ASB18: variants seen among roughly 807,000 people sequenced by gnomAD.
ASB18 encodes the protein ankyrin repeat and SOCS box containing 18.
In ASB18, 33 loss-of-function variants were observed where a neutral mutation model predicts 33.4. That is an observed-to-expected ratio of 0.99 (90% CI 0.75 to 1.32). ASB18 has a LOEUF of 1.32. ASB18 is among the 40% of genes most tolerant of loss of function. The probability of loss-of-function intolerance (pLI) is 0.00; values close to 1 mark genes in which losing one functional copy is unlikely to be tolerated. For synonymous variants in ASB18, 295 were observed against 307.6 expected, an observed-to-expected ratio of 0.96 and a Z score of 0.43; for missense variants, 694 against 655.5, an observed-to-expected ratio of 1.06 and a Z score of -0.64.
intron 4 of ASB18, among the ~76,000 whole-genome samples, chr2:236,206,436 C>T (rs554614539): frequency 2.0e-5 from 3 of 152,182 alleles, no homozygotes; most frequent in African/African-American, 7.2e-5. Flanking sequence ...TGCTGGAAGC[C>T]ATCTTGTGAC....
At chr2:236,261,911 A>G (rs2060720437) in intron 1 of ASB18, among the ~76,000 whole-genome samples, 1 of 152,132 alleles carries the variant, frequency 6.6e-6, no homozygotes, top group Non-Finnish European at 1.5e-5. Flanking sequence ...CTTATTCACT[A>G]CCACAATAAT....
In ASB18 at chr2:236,211,243, C is replaced by T. The variant is rs1377448; in HGVS notation, c.1101+3119G>A. ...CAGAATCCAAACCTGCCAGAATCCA[C>T]AGCCTGCCCCCTATGCCTGCCCTCG... On this transcript the variant is annotated intron_variant, in intron 4 of 5. Coordinates refer to ENST00000409749, the MANE Select transcript of ASB18 (RefSeq NM_212556.4). The surrounding 1 kb of genome is among the most constrained non-coding windows in gnomAD (Gnocchi z 5.0). 0.17 allele frequency among the ~76,000 whole-genome samples: 26,230 copies of T among 152,204 alleles called. 2,278 individuals carry two copies. The highest frequency in any genetic ancestry group is 0.25 in the South Asian group (1,201 of 4,826).
At position 236,211,834 on chromosome 2, in the gene ASB18, G is replaced by A. The variant is rs2060460036; in HGVS notation, c.1101+2528C>T. The stretch of plus-strand genomic sequence containing the variant: ...TTGTGGGATTCTCAGCATGGTGAAT[G>A]CATCCTCATCCACCATCCTCTCCTG... On this transcript the variant is annotated intron_variant, in intron 4 of 5. Coordinates refer to ENST00000409749, the MANE Select transcript of ASB18 (RefSeq NM_212556.4). This position sits in a 1 kb window ranked among gnomAD's most constrained non-coding sequence, Gnocchi z 5.0. Among the ~76,000 whole-genome samples, 1 of 152,176 alleles carries A rather than the reference G, an allele frequency of 6.6e-6. No individual in the cohort carries two copies. Among genetic ancestry groups the A allele is most frequent in the Non-Finnish European group, 1.5e-5 (1 of 68,026 alleles).
chr2:236,198,790 AT>A (rs1421283300), intron 4 of ASB18, among the ~76,000 whole-genome samples: 2 of 152,156 alleles, frequency 1.3e-5, no homozygotes, highest in South Asian at 2.1e-4. Flanking sequence ...TTGTAAGTAC[AT>A]TTTATTTATT....
At chr2:236,210,158 T>G (rs1455469718) in intron 4 of ASB18, among the ~76,000 whole-genome samples, 1 of 152,196 alleles carries the variant, frequency 6.6e-6, no homozygotes, top group African/African-American at 2.4e-5. Context: ...GAAATACACA[T>G]GCTCCTGCTC....
rs947756862 is a variant in ASB18, at chr2:236,253,579, G to A, written c.205+10562C>T. 1.3e-5 allele frequency among the ~76,000 whole-genome samples: 2 copies of A among 151,370 alleles called. No homozygotes were observed. The highest frequency in any genetic ancestry group is 2.9e-5 in the Non-Finnish European group (2 of 67,906). On this transcript the variant is annotated intron_variant, in intron 1 of 5. Transcript: ENST00000409749. The surrounding 1 kb of genome is among the most constrained non-coding windows in gnomAD (Gnocchi z 5.4). Reference sequence around the variant, plus strand: ...TTATTATTATTGTGGTGGGAGATGGGGTCTCACTGTGTTGCCCAGGCTGGT... The same window carrying A: ...TTATTATTATTGTGGTGGGAGATGGAGTCTCACTGTGTTGCCCAGGCTGGT...
chr2:236,201,965 T>C (rs914452867), intron 4 of ASB18, among the ~76,000 whole-genome samples: 1 of 152,058 alleles, frequency 6.6e-6, no homozygotes, highest in East Asian at 1.9e-4. Flanking sequence ...TAATTTTTTT[T>C]TTGAGACAGA....
chr2:236,229,998 C>T lies in ASB18; in HGVS notation c.596+7691G>A, dbSNP rs1373018422. Among the ~76,000 whole-genome samples the T allele has an allele frequency of 2.6e-5, 4 of 151,984 alleles. No homozygotes were observed. Among genetic ancestry groups the T allele is most frequent in the African/African-American group, 4.8e-5 (2 of 41,370 alleles). Reference sequence around the variant, plus strand: ...ACTAGGAGTTTGAGACCACCCTGGGCAGCAAAACAAGACCTCAACTCTACA... The same window carrying T: ...ACTAGGAGTTTGAGACCACCCTGGGTAGCAAAACAAGACCTCAACTCTACA... On this transcript the variant is annotated intron_variant, in intron 3 of 5. Coordinates refer to ENST00000409749, the MANE Select transcript of ASB18 (RefSeq NM_212556.4). The surrounding 1 kb of genome is among the most constrained non-coding windows in gnomAD (Gnocchi z 5.2).
At chr2:236,198,192 T>A (rs988893986) in intron 4 of ASB18, among the ~76,000 whole-genome samples, 1 of 152,136 alleles carries the variant, frequency 6.6e-6, no homozygotes, top group African/African-American at 2.4e-5. Flanking sequence ...CTAAAAAAAA[T>A]TCATATTCCT....
At chr2:236,210,884 C>G (rs966440617) in intron 4 of ASB18, among the ~76,000 whole-genome samples, 5 of 152,176 alleles carry the variant, frequency 3.3e-5, no homozygotes, top group Non-Finnish European at 7.3e-5. Context: ...TGGAGCGGGG[C>G]TGGACTTACA....
At position 236,214,877 on chromosome 2, in the gene ASB18, C is replaced by T. The variant is rs115967613; in HGVS notation, c.597-11G>A. 2.5e-6 allele frequency: 3 copies of T among 1,209,876 alleles called. No homozygotes were observed. The highest frequency in any genetic ancestry group is 8.1e-5 in the South Asian group (2 of 24,736). The allele number at this position is 1,209,876 out of a possible 1,614,324, so 74.9% of individuals were successfully genotyped here. A position where few individuals can be genotyped will look rare whatever the true frequency, so the allele number is the denominator to read the frequency against. On this transcript the variant is annotated splice_polypyrimidine_tract_variant and intron_variant, in intron 3 of 5. Transcript: ENST00000409749. The surrounding 1 kb of genome is among the most constrained non-coding windows in gnomAD (Gnocchi z 6.5). Reference sequence around the variant, plus strand: ...AGCGCCTGCGCGCACCTGTGGGAAGCCAGGGCCTGTCACTCGGGCGCCACG... The same window carrying T: ...AGCGCCTGCGCGCACCTGTGGGAAGTCAGGGCCTGTCACTCGGGCGCCACG...
At position 236,228,460 on chromosome 2, in the gene ASB18, C is replaced by A. The variant is rs528717622; in HGVS notation, c.596+9229G>T. Among the ~76,000 whole-genome samples the A allele has an allele frequency of 2.7e-3, 405 of 152,224 alleles. No individual in the cohort carries two copies. Among genetic ancestry groups the A allele is most frequent in the Non-Finnish European group, 5.0e-3 (342 of 67,994 alleles). Reference sequence around the variant, plus strand: ...CACACAGAAAGAACTTTGCAGAGGGCCCCCTTGATTATTCAGCTCAATACC... The same window carrying A: ...CACACAGAAAGAACTTTGCAGAGGGACCCCTTGATTATTCAGCTCAATACC... On this transcript the variant is annotated intron_variant, in intron 3 of 5. Coordinates refer to ENST00000409749, the MANE Select transcript of ASB18 (RefSeq NM_212556.4). The surrounding 1 kb of genome is among the most constrained non-coding windows in gnomAD (Gnocchi z 5.1).
Position 236,194,835 on chromosome 2 carries a change from G to A in ASB18, c.*37C>T, listed in dbSNP as rs747486499. 9.6e-6 allele frequency: 15 copies of A among 1,569,930 alleles called. No individual in the cohort carries two copies. Among genetic ancestry groups the A allele is most frequent in the South Asian group, 8.2e-5 (7 of 85,316 alleles). ...CACACGGCCTCCATGGAAGGTCAGCGAGGAGAACAACAGTATTGGTTGCAG... is the reference window on the plus strand; with the variant it reads ...CACACGGCCTCCATGGAAGGTCAGCAAGGAGAACAACAGTATTGGTTGCAG... On this transcript the variant is annotated 3_prime_UTR_variant, in exon 6 of 6. Transcript: ENST00000409749. The surrounding 1 kb of genome is among the most constrained non-coding windows in gnomAD (Gnocchi z 4.5).
Position 236,226,443 on chromosome 2 carries a change from GAGGA to G in ASB18, c.596+11242_596+11245del, listed in dbSNP as rs373273455. ...AAATGAAACAAGAAAGAAGAAAGAG[GAGGA>G]AGAAGAGGAAGACAGAAGAAGAGAG... is the stretch of plus-strand genomic sequence containing the variant. On this transcript the variant is annotated intron_variant, in intron 3 of 5. Transcript: ENST00000409749. This position sits in a 1 kb window ranked among gnomAD's most constrained non-coding sequence, Gnocchi z 4.8. 1.5e-4 allele frequency among the ~76,000 whole-genome samples: 23 copies of G among 148,608 alleles called. No individual in the cohort carries two copies. The highest frequency in any genetic ancestry group is 5.7e-4 in the African/African-American group (23 of 40,252).
In ASB18 at chr2:236,237,575, CCGGAGGCGGGGGCTGGGA is replaced by C; in HGVS notation, c.596+96_596+113del. The C allele has an allele frequency of 1.2e-6, 1 of 867,080 alleles. No individual in the cohort carries two copies. Among genetic ancestry groups the C allele is most frequent in the Non-Finnish European group, 1.6e-6 (1 of 631,128 alleles). 53.7% of individuals were successfully genotyped at this position (867,080 alleles called of 1,614,324 possible). A position where few individuals can be genotyped will look rare whatever the true frequency, so the allele number is the denominator to read the frequency against. ...AGAGTCAAGGGTGCAGGGTCTGGGT[CCGGAGGCGGGGGCTGGGA>C]CGGAGGCGGAGGCGGGGTCGGCGGT... On this transcript the variant is annotated intron_variant, in intron 3 of 5. Coordinates refer to ENST00000409749, the MANE Select transcript of ASB18 (RefSeq NM_212556.4). This position sits in a 1 kb window ranked among gnomAD's most constrained non-coding sequence, Gnocchi z 6.2.
At position 236,200,061 on chromosome 2, in the gene ASB18, G is replaced by C. The variant is rs2060392898; in HGVS notation, c.1102-3676C>G. On this transcript the variant is annotated intron_variant, in intron 4 of 5. Transcript: ENST00000409749. The surrounding 1 kb of genome is among the most constrained non-coding windows in gnomAD (Gnocchi z 4.2). ...GTCAAGGTCCATTAGAAAAGAGATGGAGAAGCCAGGCACGGTGGCTCACTC... is the reference window on the plus strand; with the variant it reads ...GTCAAGGTCCATTAGAAAAGAGATGCAGAAGCCAGGCACGGTGGCTCACTC... Among the ~76,000 whole-genome samples, 1 of 152,120 alleles carries C rather than the reference G, an allele frequency of 6.6e-6. No homozygotes were observed.
In ASB18 at chr2:236,245,588, G is replaced by T. The variant is rs753885894; in HGVS notation, c.206-4186C>A. Reference sequence around the variant, plus strand: ...TTTCCCTCCTTGCCTGGCCAGCCTCGCTCATCCTCCAACACAGCTTAGCCT... The same window carrying T: ...TTTCCCTCCTTGCCTGGCCAGCCTCTCTCATCCTCCAACACAGCTTAGCCT... On this transcript the variant is annotated intron_variant, in intron 1 of 5. Coordinates refer to ENST00000409749, the MANE Select transcript of ASB18 (RefSeq NM_212556.4). The surrounding 1 kb of genome is among the most constrained non-coding windows in gnomAD (Gnocchi z 4.7). Among the ~76,000 whole-genome samples the T allele has an allele frequency of 6.6e-6, 1 of 152,134 alleles. No individual in the cohort carries two copies. The highest frequency in any genetic ancestry group is 6.5e-5 in the Admixed American group (1 of 15,288).
At position 236,240,990 on chromosome 2, in the gene ASB18, C is replaced by G. The variant is rs575264194; in HGVS notation, c.328+290G>C. Reference sequence around the variant, plus strand: ...CCTCCCTGGCTGCCAGATGCAGGCACGGGCAGCTCCACACCTAAACCAATG... The same window carrying G: ...CCTCCCTGGCTGCCAGATGCAGGCAGGGGCAGCTCCACACCTAAACCAATG... On this transcript the variant is annotated intron_variant, in intron 2 of 5. Coordinates refer to ENST00000409749, the MANE Select transcript of ASB18 (RefSeq NM_212556.4). 6.6e-4 allele frequency among the ~76,000 whole-genome samples: 101 copies of G among 152,324 alleles called. 1 individual carries two copies. Among genetic ancestry groups the G allele is most frequent in the African/African-American group, 2.4e-3 (99 of 41,582 alleles).
chr2:236,235,227 G>C lies in ASB18; in HGVS notation c.596+2462C>G, dbSNP rs1434681889. 6.6e-6 allele frequency among the ~76,000 whole-genome samples: 1 copy of C among 152,158 alleles called. No homozygotes were observed. The highest frequency in any genetic ancestry group is 1.5e-5 in the Non-Finnish European group (1 of 68,032). The stretch of plus-strand genomic sequence containing the variant: ...CACATATACAATAGTGGTCCCATAA[G>C]ATTATACTGTACGTTTTCTATGTTT... On this transcript the variant is annotated intron_variant, in intron 3 of 5. Coordinates refer to ENST00000409749, the MANE Select transcript of ASB18 (RefSeq NM_212556.4). This position sits in a 1 kb window ranked among gnomAD's most constrained non-coding sequence, Gnocchi z 6.2.
Sources: gnomAD v4.1 joint callset for allele counts (sites outside exome capture counted in the v4.1 genomes callset) on GRCh38, gnomAD v4.1.1 for gene constraint, Gnocchi (gnomAD v3.1) non-coding constraint, MANE v1.5 for transcripts, NCBI Gene and HGNC (gene_info 2026-07-23, HGNC 2026-07-21) for gene names.